Variants in CUL2 observed in about 807,000 individuals in gnomAD.
The protein encoded by CUL2 is cullin-2.
A neutral mutation model predicts 110.2 loss-of-function variants in CUL2; 22 were observed. The observed-to-expected ratio is 0.20, with a 90% CI of 0.14 to 0.28. The LOEUF (loss-of-function observed/expected upper bound fraction) is 0.28, where lower values mean the gene tolerates loss of function less well. CUL2 is among the 10% of genes least tolerant of loss of function. The pLI, the probability that CUL2 is intolerant of heterozygous loss-of-function variation, is 1.00. For synonymous variants in CUL2, 279 were observed against 293.2 expected (o/e 0.95, Z 0.49); for missense variants, 631 against 905.5 (o/e 0.70, Z 3.89).
chr10:35,013,952 TA>T, intron 18 of CUL2, 152 bp from the exon 19 acceptor site: 2 of 536,486 alleles, frequency 3.7e-6, no homozygotes, highest in Non-Finnish European at 5.8e-6. Flanking sequence ...AAGAGAAAAA[TA>T]ATTCTTTTGT....
chr10:35,071,444 G>A (rs745835919), intron 1 of CUL2, 105 bp from the exon 2 acceptor site: 29 of 991,148 alleles, frequency 2.9e-5, no homozygotes, highest in East Asian at 1.1e-4. Flanking sequence ...TCGCTCTGTC[G>A]CCCAGGCTGG....
At chr10:35,042,371 G>C (rs912018848) in intron 8 of CUL2, among the ~76,000 whole-genome samples, 7 of 152,140 alleles carry the variant, frequency 4.6e-5, no homozygotes, top group African/African-American at 1.7e-4. Flanking sequence ...GTTGTGATAT[G>C]TAAGTACATT....
intron 2 of CUL2, among the ~76,000 whole-genome samples, chr10:35,068,925 T>C (rs2086609817): frequency 6.6e-6 from 1 of 152,214 alleles, no homozygotes; most frequent in Non-Finnish European, 1.5e-5. Flanking sequence ...TGTAGTGCAA[T>C]GGCCCGATCT....
intron 1 of CUL2, among the ~76,000 whole-genome samples, chr10:35,075,599 A>G (rs887428370): frequency 6.6e-6 from 1 of 151,698 alleles, no homozygotes; most frequent in Non-Finnish European, 1.5e-5. Flanking sequence ...TTTTAGACAC[A>G]CAGGTCCAGT....
intron 1 of CUL2, among the ~76,000 whole-genome samples, chr10:35,086,921 T>G (rs560351582): frequency 6.6e-6 from 1 of 152,298 alleles, no homozygotes; most frequent in East Asian, 1.9e-4. Flanking sequence ...GGAACAATAT[T>G]TGCTTATATG....
intron 1 of CUL2, among the ~76,000 whole-genome samples, chr10:35,080,067 C>T (rs2086908601): frequency 6.6e-6 from 1 of 152,146 alleles, no homozygotes; most frequent in Non-Finnish European, 1.5e-5. Flanking sequence ...TATTTGCAGA[C>T]CCCATTGACC....
intron 9 of CUL2, among the ~76,000 whole-genome samples, chr10:35,038,516 ACT>A (rs1329088366): frequency 3.6e-5 from 3 of 84,150 alleles, no homozygotes; most frequent in African/African-American, 9.7e-5. Flanking sequence ...ACAGAGTGAG[ACT>A]CTGTCTCAAA....
At chr10:35,058,051 T>C (rs1220114486) in intron 4 of CUL2, among the ~76,000 whole-genome samples, 1 of 152,148 alleles carries the variant, frequency 6.6e-6, no homozygotes. Flanking sequence ...TGAGCCAAGA[T>C]TGTGCCACTG....
chr10:35,060,639 A>G (rs1036934953), intron 4 of CUL2, among the ~76,000 whole-genome samples: 15 of 152,258 alleles, frequency 9.9e-5, no homozygotes, highest in Admixed American at 3.3e-4. Context: ...AAACAGAGCC[A>G]TGCAATCGAG....
rs150992953 is a variant in CUL2, at chr10:35,073,044, C to T, written c.-22-1705G>A. Among the ~76,000 whole-genome samples the T allele has an allele frequency of 2.0e-4, 30 of 152,198 alleles. No homozygotes were observed. The East Asian group carries it at 5.6e-3, about 28-fold the overall frequency. ...CAGCCACGGACTGGGAGAGGCCCTT[C>T]TGTGTTTCCAGATGAGAAGAGAGCT... On this transcript the variant is annotated intron_variant, in intron 1 of 20. Transcript: ENST00000374749.
rs1564718141 is a variant in CUL2 at position 35,044,883 on chromosome 10, AAC to A, written c.507-17_507-16del. On this transcript the variant is annotated splice_polypyrimidine_tract_variant and intron_variant, in intron 6 of 20. Transcript: ENST00000374749. ...CACCACGATCACTAAAACAAGGTAT[AAC>A]ACAAAATATTCTTGAGAATACAAAT... The A allele has an allele frequency of 1.9e-6, 3 of 1,572,854 alleles. No individual in the cohort carries two copies. Among genetic ancestry groups the A allele is most frequent in the Admixed American group, 3.4e-5 (2 of 58,424 alleles).
intron 2 of CUL2, among the ~76,000 whole-genome samples, chr10:35,068,714 G>A (rs1294390862): frequency 1.3e-5 from 2 of 152,118 alleles, no homozygotes; most frequent in Non-Finnish European, 2.9e-5. Context: ...ACAATGTGGA[G>A]GGACCTGTTT....
chr10:35,018,688 G>A (rs540276966), intron 17 of CUL2, among the ~76,000 whole-genome samples: 14 of 151,108 alleles, frequency 9.3e-5, no homozygotes, highest in Non-Finnish European at 1.3e-4. Flanking sequence ...GCTTGAACCC[G>A]GGAGGTGGAG....
At chr10:35,066,793 C>T (rs1039953134) in intron 2 of CUL2, among the ~76,000 whole-genome samples, 4 of 152,298 alleles carry the variant, frequency 2.6e-5, no homozygotes, top group East Asian at 1.9e-4. Context: ...GCACCAAATA[C>T]ACCTGACTAT....
At chr10:35,065,876 A>G (rs568024984) in intron 2 of CUL2, among the ~76,000 whole-genome samples, 2 of 152,228 alleles carry the variant, frequency 1.3e-5, no homozygotes, top group African/African-American at 4.8e-5. Context: ...AAAAAAACAC[A>G]AAATAACTAG....
chr10:35,044,559 T>G lies in CUL2; in HGVS notation c.714+7A>C, dbSNP rs544131508. 6.5e-7 allele frequency: 1 copy of G among 1,538,998 alleles called. No homozygotes were observed. Among genetic ancestry groups the G allele is most frequent in the East Asian group, 2.3e-5 (1 of 44,294 alleles). On this transcript the variant is annotated splice_region_variant and intron_variant, in intron 8 of 20. Coordinates refer to ENST00000374749, the MANE Select transcript of CUL2 (RefSeq NM_003591.4). ...GATAAATGTATTCGATATGTTTTAT[T>G]TCTTACCTTTTCCATATACTGTGAG...
At chr10:35,022,407 T>C (rs2085224689) in intron 17 of CUL2, among the ~76,000 whole-genome samples, 1 of 152,152 alleles carries the variant, frequency 6.6e-6, no homozygotes, top group Admixed American at 6.5e-5. Flanking sequence ...GGGTATTCCA[T>C]GAGCTGGGAA....
At chr10:35,011,206 T>G (rs111965616) in intron 20 of CUL2, among the ~76,000 whole-genome samples, 104 of 132,528 alleles carry the variant, frequency 7.8e-4, no homozygotes, top group African/African-American at 3.1e-3. Flanking sequence ...TTTTTTAATT[T>G]TTTAATTTTT....
At chr10:35,106,822 AGTAGGCT>A (rs1393861670) in intron 1 of CUL2, among the ~76,000 whole-genome samples, 3 of 152,064 alleles carry the variant, frequency 2.0e-5, no homozygotes, top group Non-Finnish European at 4.4e-5. Context: ...TGACTTTGAA[AGTAGGCT>A]GAAGGCTAAG....
Sources: gnomAD v4.1 joint callset for allele counts (sites outside exome capture counted in the v4.1 genomes callset) on GRCh38, gnomAD v4.1.1 for gene constraint, MANE v1.5 for transcripts, NCBI Gene and HGNC (gene_info 2026-07-23, HGNC 2026-07-21) for gene names.